The following OPCML variants were observed in gnomAD, a reference collection of about 807,000 sequenced individuals.
OPCML encodes opioid-binding protein/cell adhesion molecule.
Under a neutral mutation model 37.8 loss-of-function variants are expected in OPCML, and 13 were observed. The observed-to-expected ratio is 0.34, with a 90% confidence interval of 0.22 to 0.55. The LOEUF (loss-of-function observed/expected upper bound fraction) is 0.55. Among genes scored for constraint, OPCML ranks in the 20% least tolerant of loss-of-function variants. The probability of loss-of-function intolerance (pLI) is 0.91; values close to 1 mark genes in which losing one functional copy is unlikely to be tolerated. For missense variants in OPCML, 341 were observed against 435.6 expected (o/e 0.78, Z 1.93); for synonymous variants, 176 against 168.8 (o/e 1.04, Z -0.33).
At chr11:133,338,203 T>A (rs1943784790) in intron 1 of OPCML, among the ~76,000 whole-genome samples, 2 of 152,128 alleles carry the variant, frequency 1.3e-5, no homozygotes, top group Admixed American at 6.5e-5. Flanking sequence ...AGTGCTGCAA[T>A]CTTGCAGGCC....
chr11:133,294,763 G>T (rs1942578492), intron 1 of OPCML, among the ~76,000 whole-genome samples: 1 of 150,560 alleles, frequency 6.6e-6, no homozygotes, highest in Admixed American at 6.6e-5. Flanking sequence ...ATGTTTCAAG[G>T]GCAAACCTGC....
At chr11:132,482,502 C>G (rs2096184504) in intron 4 of OPCML, among the ~76,000 whole-genome samples, 1 of 152,178 alleles carries the variant, frequency 6.6e-6, no homozygotes, top group African/African-American at 2.4e-5. Context: ...CAAGGAGGAA[C>G]TGGTACCATT....
intron 2 of OPCML, among the ~76,000 whole-genome samples, chr11:132,847,017 G>A (rs1941570113): frequency 6.6e-6 from 1 of 152,162 alleles, no homozygotes. Context: ...CCCAATGCCT[G>A]TAAAAGCATG....
intron 3 of OPCML, among the ~76,000 whole-genome samples, chr11:132,588,238 T>A (rs75035994): frequency 0.088 from 13,409 of 152,082 alleles, 1,240 homozygotes; most frequent in African/African-American, 0.22. Flanking sequence ...TGATGTCCCA[T>A]GTCCGGTTTT....
At chr11:133,526,565 T>G (rs1214765424) in intron 1 of OPCML, among the ~76,000 whole-genome samples, 1 of 152,144 alleles carries the variant, frequency 6.6e-6, no homozygotes, top group Non-Finnish European at 1.5e-5. Flanking sequence ...GGTTTTGGAT[T>G]TCTTTTGGCT....
At chr11:133,321,542 C>T (rs1007110384) in intron 1 of OPCML, among the ~76,000 whole-genome samples, 2 of 152,038 alleles carry the variant, frequency 1.3e-5, no homozygotes, top group Admixed American at 6.6e-5. Flanking sequence ...GGTGGGATTT[C>T]GCCTTTGAGG....
At chr11:133,499,888 T>TAAG (rs1947875104) in intron 1 of OPCML, among the ~76,000 whole-genome samples, 1 of 145,358 alleles carries the variant, frequency 6.9e-6, no homozygotes, top group South Asian at 2.1e-4. Context: ...TTTTTTTTTT[T>TAAG]TGAAAGGGAG....
chr11:133,172,525 G>C (rs1950301569), intron 1 of OPCML, among the ~76,000 whole-genome samples: 1 of 152,260 alleles, frequency 6.6e-6, no homozygotes, highest in Middle Eastern at 3.4e-3. Context: ...GCGTGGTAGT[G>C]AAAGTGAAAG....
At chr11:132,771,032 C>T (rs1057253549) in intron 2 of OPCML, among the ~76,000 whole-genome samples, 2 of 152,088 alleles carry the variant, frequency 1.3e-5, no homozygotes, top group South Asian at 2.1e-4. Context: ...GAGTCCTGAT[C>T]GCAGGGTAGT....
At chr11:133,482,866 A>G (rs925205495) in intron 1 of OPCML, among the ~76,000 whole-genome samples, 1 of 152,170 alleles carries the variant, frequency 6.6e-6, no homozygotes, top group Non-Finnish European at 1.5e-5. Context: ...TGGGGTAGAG[A>G]ATGTTGGCTT....
intron 1 of OPCML, among the ~76,000 whole-genome samples, chr11:133,510,052 T>G (rs1178433238): frequency 1.3e-5 from 2 of 152,192 alleles, no homozygotes; most frequent in Non-Finnish European, 2.9e-5. Context: ...TTGCTTACCA[T>G]CTGACACTCC....
rs189329158 is a variant in OPCML at position 133,341,933 on chromosome 11, C to A, written c.61+190331G>T. On this transcript the variant is annotated intron_variant, in intron 1 of 7. Transcript: ENST00000524381. ...ACTCCATTTTGGGGAAAAAAAAAAG[C>A]CTTTGCAGCATTACTCCTGTGAATC... Among the ~76,000 whole-genome samples, 57 of 151,550 alleles carry A rather than the reference C, an allele frequency of 3.8e-4. 1 individual carries two copies. In the East Asian group the frequency reaches 8.4e-3, roughly 22 times the overall value.
chr11:133,349,137 C>G (rs1022140119), intron 1 of OPCML, among the ~76,000 whole-genome samples: 1 of 152,214 alleles, frequency 6.6e-6, no homozygotes, highest in African/African-American at 2.4e-5. Context: ...TAACTCTGAG[C>G]TGTTATTTTT....
At chr11:133,132,857 CAAA>C (rs5795819) in intron 1 of OPCML, among the ~76,000 whole-genome samples, 6 of 137,836 alleles carry the variant, frequency 4.4e-5, no homozygotes, top group Admixed American at 7.2e-5. Context: ...CAAAGGGAAG[CAAA>C]AAAAAAAAAA....
chr11:133,356,094 AGAAAATGATTTCCAGTAAGCTG>A (rs1944283185), intron 1 of OPCML, among the ~76,000 whole-genome samples: 1 of 152,240 alleles, frequency 6.6e-6, no homozygotes, highest in Non-Finnish European at 1.5e-5. Context: ...TAAGAATGAC[AGAAAATGATTTCCAGTAAGCTG>A]GAATCTCTCT....
chr11:132,753,835 G>GA (rs1230110425), intron 2 of OPCML, among the ~76,000 whole-genome samples: 23 of 152,166 alleles, frequency 1.5e-4, no homozygotes, highest in Admixed American at 1.5e-3. Context: ...CACAATGGGG[G>GA]AAAATGATCC....
rs543998378 is a variant in OPCML, at chr11:133,090,326, AAG to A, written c.62-147318_62-147317del. Reference sequence around the variant, plus strand: ...GAACTGGGTAATGGGCAGAGGCTGGAAGAGTTTGAGATGCATGCTAGGAAAAA... The same window carrying A: ...GAACTGGGTAATGGGCAGAGGCTGGAAGTTTGAGATGCATGCTAGGAAAAA... On this transcript the variant is annotated intron_variant, in intron 1 of 7. Coordinates refer to ENST00000524381, the MANE Select transcript of OPCML (RefSeq NM_001012393.5). Among the ~76,000 whole-genome samples, 522 of 152,228 alleles carry A rather than the reference AAG, an allele frequency of 3.4e-3. 5 individuals carry two copies. Among genetic ancestry groups the A allele is most frequent in the African/African-American group, 0.012 (503 of 41,516 alleles).
intron 1 of OPCML, among the ~76,000 whole-genome samples, chr11:133,220,529 C>A (rs1222637067): frequency 6.6e-6 from 1 of 152,114 alleles, no homozygotes; most frequent in African/African-American, 2.4e-5. Flanking sequence ...GAGGAGAGGT[C>A]TCCCTTGAAT....
At chr11:133,374,389 T>A (rs1002718954) in intron 1 of OPCML, among the ~76,000 whole-genome samples, 6 of 152,218 alleles carry the variant, frequency 3.9e-5, no homozygotes, top group African/African-American at 1.2e-4. Flanking sequence ...TTGGGAATAA[T>A]GGATATCTTC....
Sources: gnomAD v4.1 joint callset for allele counts (sites outside exome capture counted in the v4.1 genomes callset) on GRCh38, gnomAD v4.1.1 for gene constraint, MANE v1.5 for transcripts, NCBI Gene and HGNC (gene_info 2026-07-23, HGNC 2026-07-21) for gene names.